CEP131: variants seen among roughly 807,000 people sequenced by gnomAD.
CEP131 encodes centrosomal protein of 131 kDa.
A neutral mutation model predicts 136.8 loss-of-function variants in CEP131; 99 were observed. The observed-to-expected ratio is 0.72, with a 90% confidence interval of 0.62 to 0.86. CEP131 has a LOEUF of 0.86. Ranked by LOEUF, CEP131 falls within the 40% of genes least tolerant of loss-of-function variation. The pLI is 0.00. For missense variants in CEP131, 1,459 were observed against 1,463.0 expected (o/e 1.00, Z 0.04); for synonymous variants, 646 against 612.7 (o/e 1.05, Z -0.80).
At chr17:81,195,191 G>A (rs2061728239) in intron 16 of CEP131, among the ~76,000 whole-genome samples, 2 of 152,182 alleles carry the variant, frequency 1.3e-5, no homozygotes, top group Non-Finnish European at 2.9e-5. Flanking sequence ...TTGGTGGCCT[G>A]AGACATGGGA....
In CEP131 at chr17:81,205,427, C is replaced by T. The variant is rs1319888199; in HGVS notation, c.515+1317G>A. The stretch of plus-strand genomic sequence containing the variant: ...AGTGGGTGGGGGGTAGGAGGGGCAG[C>T]GGGATGGGGGTAGGAGGGGTGGGGG... On this transcript the variant is annotated intron_variant, in intron 5 of 25. Coordinates refer to ENST00000450824, the MANE Select transcript of CEP131 (RefSeq NM_014984.4). 1.4e-3 allele frequency among the ~76,000 whole-genome samples: 77 copies of T among 55,412 alleles called. 2 individuals are homozygous for T. Among genetic ancestry groups the T allele is most frequent in the South Asian group, 0.011 (11 of 1,002 alleles). The allele number at this position is 55,412 out of a possible 152,430, so 36.4% of individuals were successfully genotyped here.
chr17:81,202,531 A>G, intron 6 of CEP131, 133 bp from the exon 7 acceptor site: 4 of 1,048,142 alleles, frequency 3.8e-6, no homozygotes, highest in Non-Finnish European at 5.4e-6. Context: ...CAGCCGGGGC[A>G]GAGGGGGACA....
Position 81,190,740 on chromosome 17 carries a change from C to T in CEP131, c.3006G>A (p.Glu1002=). ...CCTCCTCAGAGGCTGCCAGCCGGTC[C>T]TCGAACTCCTGGCGGATCACCTGGG... is the stretch of plus-strand genomic sequence containing the variant. The part of the protein sequence containing the change: ...NLAQVIRQEF[E]DRLAASEEET... Residue 1002 remains glutamate, a synonymous_variant, in exon 24 of 26, where the codon GAG becomes GAA. Coordinates refer to ENST00000450824, the MANE Select transcript of CEP131 (RefSeq NM_014984.4). The T allele has an allele frequency of 1.2e-6, 2 of 1,611,774 alleles. No homozygotes were observed. The highest frequency in any genetic ancestry group is 1.7e-6 in the Non-Finnish European group (2 of 1,179,568).
At chr17:81,221,913 G>A (rs575499212) in intron 1 of CEP131, among the ~76,000 whole-genome samples, 2 of 152,160 alleles carry the variant, frequency 1.3e-5, no homozygotes, top group Admixed American at 6.5e-5. Flanking sequence ...CCTTCAGCCC[G>A]GCACCCCACA....
In CEP131 at chr17:81,203,656, G is replaced by A. The variant is rs773193917; in HGVS notation, c.516-49C>T. 2.1e-5 allele frequency: 30 copies of A among 1,429,000 alleles called. No individual in the cohort carries two copies. The highest frequency in any genetic ancestry group is 1.7e-4 in the Middle Eastern group (1 of 5,772). The allele number at this position is 1,429,000 out of a possible 1,614,324, so 88.5% of individuals were successfully genotyped here. On this transcript the variant is annotated intron_variant, in intron 5 of 25. Transcript: ENST00000450824. This position sits in a 1 kb window ranked among gnomAD's most constrained non-coding sequence, Gnocchi z 4.6. ...GAATGGTCAGGCCTCTGGAGGGGAC[G>A]CCTGAGATCTCAGAGCTACACTCGC... is the stretch of plus-strand genomic sequence containing the variant.
Position 81,189,906 on chromosome 17 carries a change from G to A in CEP131, c.3168+9C>T, listed in dbSNP as rs749640137. On this transcript the variant is annotated intron_variant, in intron 25 of 25. Transcript: ENST00000450824. ...CCGAGGTCCAGCAGGGCTGGCCACA[G>A]GGACTCACCTCATGTTGTGTCCGGA... The A allele has an allele frequency of 1.2e-6, 2 of 1,612,800 alleles. No homozygotes were observed. Among genetic ancestry groups the A allele is most frequent in the Non-Finnish European group, 1.7e-6 (2 of 1,179,766 alleles).
chr17:81,197,343 T>C, intron 13 of CEP131: 1 of 542,952 alleles, frequency 1.8e-6, no homozygotes, highest in Non-Finnish European at 3.2e-6. Context: ...CACTGCTCCA[T>C]TTAGCCTGGC....
intron 2 of CEP131, among the ~76,000 whole-genome samples, chr17:81,212,140 C>A (rs1371961865): frequency 1.3e-5 from 2 of 150,454 alleles, no homozygotes; most frequent in South Asian, 2.1e-4. Flanking sequence ...CATGGTGAAA[C>A]CTTGTCTCTA....
intron 5 of CEP131, among the ~76,000 whole-genome samples, chr17:81,205,393 C>A (rs2061982537): frequency 9.6e-6 from 1 of 104,586 alleles, no homozygotes; most frequent in African/African-American, 4.0e-5. Flanking sequence ...GTAGGAGGGG[C>A]AGCGGGGCAG....
chr17:81,192,587 C>T lies in CEP131; in HGVS notation c.2436G>A (p.Arg812=). The change falls in exon 20 of 26, where the codon CGG becomes CGA. Residue 812 remains arginine, a synonymous_variant. Transcript: ENST00000450824. The part of the protein sequence containing the change: ...ERLGQQAARQ[R]AELEELRQQL... Reference sequence around the variant, plus strand: ...GCTGCCTCAGCTCTTCCAGCTCCGCCCGCTGCCTGCGGCCAGGGAGGAGTC... The same window carrying T: ...GCTGCCTCAGCTCTTCCAGCTCCGCTCGCTGCCTGCGGCCAGGGAGGAGTC... 7.5e-6 allele frequency: 12 copies of T among 1,606,630 alleles called. No homozygotes were observed. The highest frequency in any genetic ancestry group is 1.0e-5 in the Non-Finnish European group (12 of 1,179,330).
intron 2 of CEP131, among the ~76,000 whole-genome samples, chr17:81,212,578 C>T (rs917989919): frequency 1.3e-5 from 2 of 150,678 alleles, no homozygotes; most frequent in African/African-American, 4.8e-5. Context: ...GAGCCGTGGG[C>T]AGGAGTGGGG....
chr17:81,205,084 C>T (rs2061974671), intron 5 of CEP131, among the ~76,000 whole-genome samples: 1 of 151,878 alleles, frequency 6.6e-6, no homozygotes, highest in Non-Finnish European at 1.5e-5. Flanking sequence ...CATAGCGAAA[C>T]CCCGTCTCTA....
At position 81,203,433 on chromosome 17, in the gene CEP131, G is replaced by A; in HGVS notation, c.629+61C>T. The stretch of plus-strand genomic sequence containing the variant: ...ACCGAGGTCGGACCCCAGGTGCACT[G>A]ACTACATGCCCTAACTGAGGTCGGA... On this transcript the variant is annotated intron_variant, in intron 6 of 25. Coordinates refer to ENST00000450824, the MANE Select transcript of CEP131 (RefSeq NM_014984.4). This position sits in a 1 kb window ranked among gnomAD's most constrained non-coding sequence, Gnocchi z 4.6. 2 of 1,377,768 alleles carry A rather than the reference G, an allele frequency of 1.5e-6. No individual in the cohort carries two copies. The highest frequency in any genetic ancestry group is 2.0e-6 in the Non-Finnish European group (2 of 999,358). 85.3% of individuals were successfully genotyped at this position (1,377,768 alleles called of 1,614,324 possible). A position where few individuals can be genotyped will look rare whatever the true frequency, so the allele number is the denominator to read the frequency against.
chr17:81,197,078 G>C, intron 13 of CEP131, 23 bp from the exon 14 acceptor site: 1 of 1,573,164 alleles, frequency 6.4e-7, no homozygotes, highest in Non-Finnish European at 8.6e-7. Context: ...CCGAGCGTCA[G>C]GCGGAAGCGG....
intron 11 of CEP131, 63 bp downstream of exon 11, chr17:81,198,814 T>G: frequency 6.7e-7 from 1 of 1,488,338 alleles, no homozygotes; most frequent in Non-Finnish European, 9.2e-7. Flanking sequence ...AGGACACCCC[T>G]GGCACAGACA....
chr17:81,189,857 A>C lies in CEP131; in HGVS notation c.3169-14T>G. The C allele has an allele frequency of 1.9e-6, 3 of 1,612,328 alleles. No homozygotes were observed. The South Asian group carries it at 3.3e-5, about 18-fold the overall frequency. On this transcript the variant is annotated splice_polypyrimidine_tract_variant and intron_variant, in intron 25 of 25. Transcript: ENST00000450824. The stretch of plus-strand genomic sequence containing the variant: ...CTTCACCGCAGCCTGCAGCACACCC[A>C]CAGGGTCAGGCCTGCTCCCAGCCCC...
Position 81,192,612 on chromosome 17 carries a change from C to T in CEP131, c.2430-19G>A. ...CCGCTGCCTGCGGCCAGGGAGGAGT[C>T]AGCAGGTGAGGGGTCATCGAGTAAG... On this transcript the variant is annotated intron_variant, in intron 19 of 25. Transcript: ENST00000450824. The T allele has an allele frequency of 6.3e-7, 1 of 1,591,510 alleles. No individual in the cohort carries two copies. Among genetic ancestry groups the T allele is most frequent in the Non-Finnish European group, 8.5e-7 (1 of 1,174,762 alleles).
intron 7 of CEP131, among the ~76,000 whole-genome samples, chr17:81,201,030 C>A (rs1055606939): frequency 1.3e-5 from 2 of 152,114 alleles, no homozygotes; most frequent in African/African-American, 2.4e-5. Flanking sequence ...TGCACACTTA[C>A]AATGGGCACC....
At position 81,191,349 on chromosome 17, in the gene CEP131, C is replaced by T. The variant is rs752763906; in HGVS notation, c.2623-14G>A. 14 of 1,612,148 alleles carry T rather than the reference C, an allele frequency of 8.7e-6. No homozygotes were observed. Among genetic ancestry groups the T allele is most frequent in the Non-Finnish European group, 1.1e-5 (13 of 1,179,554 alleles). On this transcript the variant is annotated splice_polypyrimidine_tract_variant and intron_variant, in intron 21 of 25. Coordinates refer to ENST00000450824, the MANE Select transcript of CEP131 (RefSeq NM_014984.4). Reference sequence around the variant, plus strand: ...CAGCCACGCCTCCTGGGGGGACATGCGCTGCCTGGGGGTTGCCACCCGGAG... The same window carrying T: ...CAGCCACGCCTCCTGGGGGGACATGTGCTGCCTGGGGGTTGCCACCCGGAG...
Sources: gnomAD v4.1 joint callset for allele counts (sites outside exome capture counted in the v4.1 genomes callset) on GRCh38, gnomAD v4.1.1 for gene constraint, Gnocchi (gnomAD v3.1) non-coding constraint, MANE v1.5 for transcripts, NCBI Gene and HGNC (gene_info 2026-07-23, HGNC 2026-07-21) for gene names.